The following MYO10 variants were observed in gnomAD, a reference collection of about 807,000 sequenced individuals.
MYO10 encodes the protein myosin X.
In MYO10, 133 loss-of-function variants were observed where a neutral mutation model predicts 257.3. The observed-to-expected ratio is 0.52, with a 90% confidence interval of 0.45 to 0.60. MYO10 has a LOEUF of 0.60. Ranked by LOEUF, MYO10 falls within the 20% of genes least tolerant of loss-of-function variation. The probability of loss-of-function intolerance (pLI) is 0.00; values close to 1 mark genes in which losing one functional copy is unlikely to be tolerated. For synonymous variants in MYO10, 1,104 were observed against 1,028.6 expected, an observed-to-expected ratio of 1.07 and a Z score of -1.40; for missense variants, 2,399 against 2,635.7, an observed-to-expected ratio of 0.91 and a Z score of 1.97.
intron 4 of MYO10, among the ~76,000 whole-genome samples, chr5:16,786,377 G>A (rs1741580731): frequency 2.0e-5 from 3 of 152,172 alleles, no homozygotes; most frequent in African/African-American, 7.2e-5. Flanking sequence ...ACCAAGTCAT[G>A]GATATCAATC....
intron 2 of MYO10, 74 bp downstream of exon 2, chr5:16,877,535 G>T: frequency 2.5e-6 from 3 of 1,191,736 alleles, no homozygotes; most frequent in Non-Finnish European, 2.5e-6. Context: ...GGGGGGCCAA[G>T]CACACATGCC....
intron 2 of MYO10, among the ~76,000 whole-genome samples, chr5:16,853,166 C>T (rs529729134): frequency 1.3e-5 from 2 of 152,118 alleles, no homozygotes; most frequent in African/African-American, 4.8e-5. Flanking sequence ...GTCAGGAGAT[C>T]GAGACCATCC....
At chr5:16,789,272 A>G (rs992944305) in intron 4 of MYO10, among the ~76,000 whole-genome samples, 2 of 152,216 alleles carry the variant, frequency 1.3e-5, no homozygotes, top group African/African-American at 4.8e-5. Flanking sequence ...AGCCTAAAAT[A>G]TACACTCTTT....
chr5:16,666,534 G>A lies in MYO10; in HGVS notation c.*158C>T. 1 of 602,808 alleles carries A rather than the reference G, an allele frequency of 1.7e-6. No individual in the cohort carries two copies. Among genetic ancestry groups the A allele is most frequent in the South Asian group, 2.1e-5 (1 of 48,750 alleles). 37.3% of individuals were successfully genotyped at this position (602,808 alleles called of 1,614,324 possible). A position where few individuals can be genotyped will look rare whatever the true frequency, so the allele number is the denominator to read the frequency against. On this transcript the variant is annotated 3_prime_UTR_variant, in exon 41 of 41. Transcript: ENST00000513610. ...TAATACAGGATCAATGAAGGCGGCA[G>A]GCAAAAGGATCCTCGGAGACACCTC...
chr5:16,911,249 A>G (rs1280554446), intron 1 of MYO10, among the ~76,000 whole-genome samples: 2 of 152,206 alleles, frequency 1.3e-5, no homozygotes, highest in Non-Finnish European at 2.9e-5. Flanking sequence ...TTCACAATAA[A>G]TATTTTTTGG....
intron 2 of MYO10, among the ~76,000 whole-genome samples, chr5:16,856,948 T>C (rs1047974681): frequency 2.0e-5 from 3 of 152,210 alleles, no homozygotes; most frequent in African/African-American, 7.2e-5. Flanking sequence ...AGCATTTAAA[T>C]AGGAATCGAG....
rs1326992375 is a variant in MYO10 at position 16,681,338 on chromosome 5, G to A, written c.4355C>T (p.Pro1452Leu). 10 of 1,612,872 alleles carry A rather than the reference G, an allele frequency of 6.2e-6. No homozygotes were observed. Among genetic ancestry groups the A allele is most frequent in the South Asian group, 1.1e-5 (1 of 90,858 alleles). Residue 1452 changes from proline to leucine, a missense_variant, in exon 32 of 41, where the codon CCC becomes CTC. Pro to Leu is a moderately conservative substitution (Grantham distance 98). Transcript: ENST00000513610. ...LVLNSLCSVV[P>L]PDEKIFKETG... ...CTCTTTGAATATCTTCTCATCTGGG[G>A]GGACGACAGAGCAGAGGCTGTTGAG...
chr5:16,774,465 A>G (rs1418742524), intron 9 of MYO10, among the ~76,000 whole-genome samples: 2 of 152,084 alleles, frequency 1.3e-5, no homozygotes, highest in Non-Finnish European at 2.9e-5. Context: ...TCTGTTGCCC[A>G]GGCTGGAGTG....
rs977217938 is a variant in MYO10 at position 16,936,141 on chromosome 5, C to T, written c.-333G>A. The T allele has an allele frequency of 2.8e-6, 1 of 360,786 alleles. No individual in the cohort carries two copies. Among genetic ancestry groups the T allele is most frequent in the South Asian group, 3.5e-5 (1 of 28,682 alleles). 22.3% of individuals were successfully genotyped at this position (360,786 alleles called of 1,614,324 possible). On this transcript the variant is annotated 5_prime_UTR_variant, in exon 1 of 41. Coordinates refer to ENST00000513610, the MANE Select transcript of MYO10 (RefSeq NM_012334.3). ...GGCGGCGGGGTGCTGGCGAGCGCGG[C>T]CCCCTCCCTCTGCGCTCCGGCCGGG... is the stretch of plus-strand genomic sequence containing the variant.
At chr5:16,696,086 CT>C (rs752653845) in intron 26 of MYO10, among the ~76,000 whole-genome samples, 30 of 152,292 alleles carry the variant, frequency 2.0e-4, no homozygotes, top group Non-Finnish European at 4.1e-4. Context: ...AATGATAAAG[CT>C]TATTCACAGT....
rs775702029 is a variant in MYO10, at chr5:16,674,965, G to A, written c.4852C>T (p.Pro1618Ser). ...AGGTTGCCCACACTGCCGGGGTGGG[G>A]CACTTTGTTGGTCTGTTTGATAAGC... is the stretch of plus-strand genomic sequence containing the variant. ...CQLIKQTNKV[P>S]HPGSVGNLYS... The change falls in exon 35 of 41, where the codon CCC becomes TCC. Residue 1618 changes from proline (P) to serine (S), a missense_variant. By Grantham distance (74) the Pro-to-Ser change is moderately conservative. This residue lies in a region of MYO10 where 1,820 missense variants were observed against 1,939.4 expected (regional missense o/e 0.94). Transcript: ENST00000513610. 1 of 1,613,920 alleles carries A rather than the reference G, an allele frequency of 6.2e-7. No homozygotes were observed.
At chr5:16,884,227 A>T (rs1744834915) in intron 1 of MYO10, among the ~76,000 whole-genome samples, 1 of 152,052 alleles carries the variant, frequency 6.6e-6, no homozygotes, top group Admixed American at 6.6e-5. Flanking sequence ...CCTGTCTCTT[A>T]TTTTAAAAAT....
At chr5:16,715,835 C>T (rs1738846015) in intron 19 of MYO10, among the ~76,000 whole-genome samples, 1 of 152,102 alleles carries the variant, frequency 6.6e-6, no homozygotes, top group African/African-American at 2.4e-5. Context: ...GCAGGTGGAT[C>T]ACCTGAGGTC....
intron 22 of MYO10, among the ~76,000 whole-genome samples, chr5:16,703,363 AG>A: frequency 6.6e-6 from 1 of 152,342 alleles, no homozygotes; most frequent in East Asian, 1.9e-4. Context: ...ACAAAACTAA[AG>A]TAAGAAGCCT....
At chr5:16,827,714 T>C (rs1352077846) in intron 2 of MYO10, among the ~76,000 whole-genome samples, 1 of 152,208 alleles carries the variant, frequency 6.6e-6, no homozygotes, top group Non-Finnish European at 1.5e-5. Flanking sequence ...TCCTTTAAAC[T>C]GTCATCAGGT....
At position 16,700,971 on chromosome 5, in the gene MYO10, G is replaced by A; in HGVS notation, c.3424C>T (p.Gln1142Ter). The change falls in exon 25 of 41, where the codon CAG becomes TAG. Residue 1142 changes from glutamine (Q) to a stop codon, truncating the protein, a stop_gained. Transcript: ENST00000513610. LOFTEE classifies it high-confidence loss of function. ...GCCAGGCAGGTACTTACCGAGGACT[G>A]CGCCCCCTCAGAGCTGAACCGGTAG... is the stretch of plus-strand genomic sequence containing the variant. ...GAYRFSSEGA[Q>*]SSFEDSEEDF... 6.4e-7 allele frequency: 1 copy of A among 1,553,846 alleles called. No individual in the cohort carries two copies. Among genetic ancestry groups the A allele is most frequent in the Non-Finnish European group, 8.7e-7 (1 of 1,148,020 alleles).
Position 16,833,590 on chromosome 5 carries a change from G to A in MYO10, c.121-15423C>T, listed in dbSNP as rs181540023. ...AGGTATTTTCAGAGATAAGATTTTG[G>A]TTTCTTTGGCTGCTGTTTCCCAAAA... On this transcript the variant is annotated intron_variant, in intron 2 of 40. Coordinates refer to ENST00000513610, the MANE Select transcript of MYO10 (RefSeq NM_012334.3). Among the ~76,000 whole-genome samples, 602 of 152,208 alleles carry A rather than the reference G, an allele frequency of 4.0e-3. 4 individuals are homozygous for A. The highest frequency in any genetic ancestry group is 7.2e-3 in the Non-Finnish European group (490 of 67,998).
rs532130077 is a variant in MYO10, at chr5:16,670,764, G to T, written c.5645C>A (p.Thr1882Lys). The change falls in exon 39 of 41, where the codon ACG becomes AAG. Residue 1882 changes from threonine (T) to lysine (K), a missense_variant. By Grantham distance (78) the Thr-to-Lys change is moderately conservative. Coordinates refer to ENST00000513610, the MANE Select transcript of MYO10 (RefSeq NM_012334.3). ...TPCERLEKRR[T>K]SFLEGTLRRS... ...CCTCAGGGTCCCCTCTAGGAAGCTC[G>T]TCCGCCTCTTCTCCAGCCGTTCACA... 3.7e-6 allele frequency: 6 copies of T among 1,613,890 alleles called. No homozygotes were observed. The Admixed American group carries it at 8.3e-5, about 22-fold the overall frequency.
At chr5:16,875,827 T>C (rs1744584301) in intron 2 of MYO10, among the ~76,000 whole-genome samples, 3 of 152,154 alleles carry the variant, frequency 2.0e-5, no homozygotes, top group Admixed American at 6.5e-5. Context: ...ACTCAATTCA[T>C]AAACTATGTG....
Sources: gnomAD v4.1 joint callset for allele counts (sites outside exome capture counted in the v4.1 genomes callset) on GRCh38, gnomAD v4.1.1 for gene constraint, gnomAD v4.1.1 regional missense constraint, MANE v1.5 for transcripts, NCBI Gene and HGNC (gene_info 2026-07-23, HGNC 2026-07-21) for gene names.